Variants in ADAM32 observed in about 807,000 individuals in gnomAD.
ADAM32 encodes the protein ADAM metallopeptidase domain 32, also known as disintegrin and metalloproteinase domain-containing protein 32.
A neutral mutation model predicts 114.9 loss-of-function variants in ADAM32; 89 were observed. The ratio of observed to expected loss-of-function variants is 0.77; its 90% confidence interval spans 0.65 to 0.92. The LOEUF (loss-of-function observed/expected upper bound fraction) is 0.92. ADAM32 is among the 40% of genes least tolerant of loss of function. ADAM32 has a pLI of 0.00. For synonymous variants in ADAM32, 285 were observed against 307.5 expected, an observed-to-expected ratio of 0.93 and a Z score of 0.77; for missense variants, 870 against 932.8, an observed-to-expected ratio of 0.93 and a Z score of 0.88.
At chr8:39,275,756 C>A in intron 21 of ADAM32, 72 bp from the exon 22 acceptor site, 1 of 1,386,928 alleles carries the variant, frequency 7.2e-7, no homozygotes, top group Non-Finnish European at 9.8e-7. Flanking sequence ...AATGATCCGA[C>A]ATTCATTCAT....
chr8:39,140,342 T>G (rs1034080916), intron 3 of ADAM32, among the ~76,000 whole-genome samples: 117 of 152,172 alleles, frequency 7.7e-4, no homozygotes, highest in African/African-American at 2.8e-3. Flanking sequence ...AATACCTGGT[T>G]TATTGAGAGT....
chr8:39,263,706 C>T (rs1170859510), intron 19 of ADAM32, among the ~76,000 whole-genome samples: 1 of 152,136 alleles, frequency 6.6e-6, no homozygotes, highest in Non-Finnish European at 1.5e-5. Flanking sequence ...TTTTGTCTCA[C>T]CCCACTCGAG....
chr8:39,174,172 TCTGCATATGG>T (rs1359615315), intron 10 of ADAM32, among the ~76,000 whole-genome samples: 3 of 152,238 alleles, frequency 2.0e-5, no homozygotes, highest in African/African-American at 7.2e-5. Flanking sequence ...GTTTCAATTT[TCTGCATATGG>T]CTAGCCAGTT....
rs528112049 is a variant in ADAM32 at position 39,159,649 on chromosome 8, G to C, written c.526-1248G>C. 2.2e-3 allele frequency among the ~76,000 whole-genome samples: 340 copies of C among 152,306 alleles called. 1 individual carries two copies. The highest frequency in any genetic ancestry group is 4.1e-3 in the Non-Finnish European group (281 of 68,038). ...CTTGCTCCAGGTGGCTGCAGCCAGT[G>C]TATTTGCCTTGAAATGCTTTTTATA... On this transcript the variant is annotated intron_variant, in intron 6 of 24. Coordinates refer to ENST00000379907, the MANE Select transcript of ADAM32 (RefSeq NM_145004.7).
chr8:39,241,395 GT>G (rs1305791423), intron 16 of ADAM32, among the ~76,000 whole-genome samples: 6 of 152,220 alleles, frequency 3.9e-5, no homozygotes, highest in Non-Finnish European at 7.3e-5. Flanking sequence ...GGGACTCTGT[GT>G]GGGGGCTCCA....
chr8:39,188,773 T>C (rs1420436467), intron 11 of ADAM32, among the ~76,000 whole-genome samples: 1 of 152,174 alleles, frequency 6.6e-6, no homozygotes, highest in African/African-American at 2.4e-5. Flanking sequence ...GTACTTTATA[T>C]TTAAAATGCT....
intron 19 of ADAM32, 96 bp from the exon 20 acceptor site, chr8:39,270,780 A>G: frequency 2.3e-6 from 2 of 879,098 alleles, no homozygotes; most frequent in East Asian, 2.7e-5. Context: ...TAGTCTTATA[A>G]GGAGATAATA....
intron 12 of ADAM32, among the ~76,000 whole-genome samples, chr8:39,215,750 A>T (rs1808513429): frequency 6.6e-6 from 1 of 151,978 alleles, no homozygotes. Context: ...GTCAGAGAAG[A>T]TGCTTGATAT....
intron 3 of ADAM32, among the ~76,000 whole-genome samples, chr8:39,142,083 G>A (rs575106313): frequency 5.1e-4 from 77 of 152,128 alleles, no homozygotes; most frequent in African/African-American, 1.8e-3. Context: ...TTGAGCCTAT[G>A]TGCATTTTTA....
chr8:39,206,755 G>A lies in ADAM32; in HGVS notation c.1053-4389G>A, dbSNP rs554195238. On this transcript the variant is annotated intron_variant, in intron 11 of 24. Transcript: ENST00000379907. ...TGGGTCAATCCTGTTTTGTGACACTGCAGCCCTCTGGGTGGATGTGGGGGT... is the reference window on the plus strand; with the variant it reads ...TGGGTCAATCCTGTTTTGTGACACTACAGCCCTCTGGGTGGATGTGGGGGT... 7.2e-4 allele frequency among the ~76,000 whole-genome samples: 110 copies of A among 152,328 alleles called. 1 individual carries two copies. Among genetic ancestry groups the A allele is most frequent in the African/African-American group, 2.5e-3 (106 of 41,582 alleles).
chr8:39,108,778 G>C (rs763756551), intron 1 of ADAM32, among the ~76,000 whole-genome samples: 10 of 152,200 alleles, frequency 6.6e-5, no homozygotes, highest in Non-Finnish European at 1.3e-4. Context: ...CTGCAGCATA[G>C]CAGAGGTGTG....
rs376049484 is a variant in ADAM32 at position 39,107,771 on chromosome 8, G to A, written c.-5G>A. 5 of 1,550,282 alleles carry A rather than the reference G, an allele frequency of 3.2e-6. No homozygotes were observed. Among genetic ancestry groups the A allele is most frequent in the Non-Finnish European group, 4.4e-6 (5 of 1,146,660 alleles). On this transcript the variant is annotated 5_prime_UTR_variant, in exon 1 of 25. Transcript: ENST00000379907. ...GCTTCCCGCTGGCAGCCCCGAAGCC[G>A]CACCATGTTCCGCCTCTGGTTGCTG... is the stretch of plus-strand genomic sequence containing the variant.
At position 39,270,857 on chromosome 8, in the gene ADAM32, A is replaced by T. The variant is rs753382034; in HGVS notation, c.2163-19A>T. ...AGTTTTCTAAGTACTAACATGAGAC[A>T]TTTTCAATTTCTTTTTAGATCTAAA... On this transcript the variant is annotated intron_variant, in intron 19 of 24. Coordinates refer to ENST00000379907, the MANE Select transcript of ADAM32 (RefSeq NM_145004.7). The T allele has an allele frequency of 6.2e-6, 10 of 1,601,896 alleles. No homozygotes were observed. Among genetic ancestry groups the T allele is most frequent in the Admixed American group, 1.7e-5 (1 of 58,910 alleles).
rs199914358 is a variant in ADAM32 at position 39,246,096 on chromosome 8, G to C, written c.1832G>C (p.Arg611Pro). 6.2e-7 allele frequency: 1 copy of C among 1,613,336 alleles called. No individual in the cohort carries two copies. Among genetic ancestry groups the C allele is most frequent in the African/African-American group, 1.3e-5 (1 of 74,980 alleles). ...GTTTTTCTTTAGGTTTGTGTAAATC[G>C]TGAATGTGTAGAATCAAGGATAATT... ...QCDIGRVCVN[R>P]ECVESRIIKA... Residue 611 changes from arginine to proline, a missense_variant, in exon 17 of 25, where the codon CGT becomes CCT. Transcript: ENST00000379907.
At chr8:39,239,498 AAAC>A (rs1281988086) in intron 16 of ADAM32, among the ~76,000 whole-genome samples, 2 of 152,208 alleles carry the variant, frequency 1.3e-5, no homozygotes, top group East Asian at 1.9e-4. Context: ...GGGTCTCTAA[AAAC>A]AACAACACAA....
chr8:39,111,945 T>A (rs1840178196), intron 1 of ADAM32, among the ~76,000 whole-genome samples: 1 of 152,152 alleles, frequency 6.6e-6, no homozygotes, highest in Non-Finnish European at 1.5e-5. Flanking sequence ...AAATTTGGCT[T>A]TACATCAGAA....
intron 12 of ADAM32, among the ~76,000 whole-genome samples, chr8:39,218,405 C>G (rs1037410541): frequency 1.3e-5 from 2 of 152,096 alleles, no homozygotes. Context: ...TGGAGCTCCA[C>G]GATCAGCAGG....
rs753145203 is a variant in ADAM32 at position 39,233,898 on chromosome 8, G to T, written c.1635-1G>T. The T allele has an allele frequency of 6.7e-7, 1 of 1,493,056 alleles. No homozygotes were observed. 92.5% of individuals were successfully genotyped at this position (1,493,056 alleles called of 1,614,324 possible). On this transcript the variant is annotated splice_acceptor_variant, in intron 15 of 24. Coordinates refer to ENST00000379907, the MANE Select transcript of ADAM32 (RefSeq NM_145004.7). LOFTEE classifies it high-confidence loss of function. ...ATCATATATATTTTTTATGTTTTCA[G>T]GAATCTTATATGTGGAAGATTAGTT...
At chr8:39,284,360 T>TACAC (rs375169437) in intron 24 of ADAM32, among the ~76,000 whole-genome samples, 41 of 149,438 alleles carry the variant, frequency 2.7e-4, no homozygotes, top group African/African-American at 9.4e-4. Context: ...AATACTGTTA[T>TACAC]ACACACACAC....
Sources: gnomAD v4.1 joint callset for allele counts (sites outside exome capture counted in the v4.1 genomes callset) on GRCh38, gnomAD v4.1.1 for gene constraint, MANE v1.5 for transcripts, NCBI Gene and HGNC (gene_info 2026-07-23, HGNC 2026-07-21) for gene names.